The following SEM1 variants were observed in gnomAD, a reference collection of about 807,000 sequenced individuals.
SEM1 encodes the protein 26S proteasome complex subunit SEM1.
SEM1 carries 3 observed loss-of-function variants against 12.7 expected under a neutral mutation model. The observed-to-expected ratio is 0.24, with a 90% CI of 0.11 to 0.61. The LOEUF is 0.61. SEM1 is among the 20% of genes least tolerant of loss of function. The pLI is 0.88. For missense variants in SEM1, 59 were observed against 81.3 expected (o/e 0.73, Z 1.06); for synonymous variants, 30 against 27.8 (o/e 1.08, Z -0.25).
At chr7:96,592,354 G>T (rs1440056957) in intron 2 of SEM1, among the ~76,000 whole-genome samples, 1 of 152,008 alleles carries the variant, frequency 6.6e-6, no homozygotes, top group Non-Finnish European at 1.5e-5. Flanking sequence ...CCCCAACTGA[G>T]ACCAAGACTG....
intron 1 of SEM1, among the ~76,000 whole-genome samples, chr7:96,698,096 G>C (rs1790154375): frequency 6.6e-6 from 1 of 152,124 alleles, no homozygotes; most frequent in Admixed American, 6.5e-5. Flanking sequence ...AGTTGTGGCA[G>C]AGTCTGAAAC....
Position 96,615,241 on chromosome 7 carries a change from C to CTTTTTTTTTTTT in SEM1, c.170+79545_170+79556dup, listed in dbSNP as rs60940244. 9.4e-4 allele frequency among the ~76,000 whole-genome samples: 119 copies of CTTTTTTTTTTTT among 126,416 alleles called. 5 individuals are homozygous for CTTTTTTTTTTTT. Among genetic ancestry groups the CTTTTTTTTTTTT allele is most frequent in the African/African-American group, 3.7e-3 (116 of 31,510 alleles). 82.9% of individuals were successfully genotyped at this position (126,416 alleles called of 152,430 possible). A position where few individuals can be genotyped will look rare whatever the true frequency, so the allele number is the denominator to read the frequency against. On this transcript the variant is annotated intron_variant and NMD_transcript_variant, in intron 2 of 3. Coordinates refer to the SEM1 transcript ENST00000466986. ...ACTGTTGGGTTATTTTTTGAGTCAT[C>CTTTTTTTTTTTT]TTTTTTTTTTTTTTTTTTTTTTTTG...
At chr7:96,647,480 C>T (rs979560183) in intron 2 of SEM1, 7 of 152,110 alleles carry the variant, frequency 4.6e-5, no homozygotes, top group African/African-American at 9.7e-5. Context: ...AGGATGCTAG[C>T]GATCCGGTAT....
chr7:96,627,742 G>A (rs941301049), intron 2 of SEM1, among the ~76,000 whole-genome samples: 5 of 152,094 alleles, frequency 3.3e-5, no homozygotes, highest in Non-Finnish European at 7.4e-5. Context: ...TGTTTATTCT[G>A]CAGCCACTGG....
intron 1 of SEM1, 113 bp from the exon 2 acceptor site, chr7:96,695,004 A>G (rs751229332): frequency 4.5e-5 from 30 of 666,324 alleles, no homozygotes; most frequent in African/African-American, 1.1e-4. Context: ...AGCTAAAACC[A>G]TATCTATGAA....
At chr7:96,665,611 C>G (rs771067396) in intron 2 of SEM1, among the ~76,000 whole-genome samples, 12 of 152,180 alleles carry the variant, frequency 7.9e-5, no homozygotes, top group Non-Finnish European at 1.2e-4. Context: ...AAGAAAATTA[C>G]CTTTCACCTA....
intron 2 of SEM1, among the ~76,000 whole-genome samples, chr7:96,608,301 T>C (rs982385282): frequency 4.6e-5 from 7 of 152,296 alleles, no homozygotes; most frequent in Middle Eastern, 3.4e-3. Context: ...ACTCTGAATT[T>C]GAGTGTGTTG....
At chr7:96,687,589 C>T (rs1327567517), downstream of SEM1, among the ~76,000 whole-genome samples, 2 of 150,668 alleles carry the variant, frequency 1.3e-5, no homozygotes, top group Non-Finnish European at 2.9e-5. Flanking sequence ...ACAATGAGAA[C>T]ACATGGACAC....
chr7:96,567,947 C>T (rs1805898048), intron 2 of SEM1, among the ~76,000 whole-genome samples: 1 of 150,402 alleles, frequency 6.6e-6, no homozygotes, highest in Non-Finnish European at 1.5e-5. Flanking sequence ...CACATACACA[C>T]ACACACTCAC....
exon 4 of SEM1, chr7:96,483,869 C>A (rs1802642877): frequency 7.2e-6 from 11 of 1,536,724 alleles, no homozygotes; most frequent in South Asian, 1.2e-5. Flanking sequence ...CTAGCAAGTT[C>A]TTTCTGCTGG....
intron 2 of SEM1, among the ~76,000 whole-genome samples, chr7:96,577,248 G>C (rs1806236697): frequency 6.6e-6 from 1 of 152,146 alleles, no homozygotes; most frequent in East Asian, 1.9e-4. Context: ...TGCTTTGAGA[G>C]CATCCAACAT....
chr7:96,498,648 T>G (rs534000937), upstream of SEM1, among the ~76,000 whole-genome samples: 49 of 152,314 alleles, frequency 3.2e-4, no homozygotes, highest in South Asian at 4.1e-3. Context: ...CCAATAATAA[T>G]AAGAAGAATA....
chr7:96,702,110 C>A (rs537619258), intron 1 of SEM1, among the ~76,000 whole-genome samples: 1 of 152,012 alleles, frequency 6.6e-6, no homozygotes, highest in African/African-American at 2.4e-5. Flanking sequence ...ACCAAATAGA[C>A]AATACATTGA....
At chr7:96,668,031 C>T (rs77010427) in intron 2 of SEM1, among the ~76,000 whole-genome samples, 2 of 152,204 alleles carry the variant, frequency 1.3e-5, no homozygotes, top group Non-Finnish European at 1.5e-5. Flanking sequence ...GAGGTGGAAA[C>T]CCACCCACGA....
intron 2 of SEM1, among the ~76,000 whole-genome samples, chr7:96,643,488 A>G (rs368022844): frequency 2.9e-4 from 44 of 152,206 alleles, no homozygotes; most frequent in African/African-American, 9.4e-4. Context: ...TCCTAATGCT[A>G]TAAAGACACA....
chr7:96,647,425 T>C (rs1458903043), intron 2 of SEM1: 1 of 152,204 alleles, frequency 6.6e-6, no homozygotes, highest in African/African-American at 2.4e-5. Flanking sequence ...CAGCAAATAG[T>C]TACGTATGGT....
chr7:96,570,662 A>G (rs1805993957), intron 2 of SEM1, among the ~76,000 whole-genome samples: 1 of 152,150 alleles, frequency 6.6e-6, no homozygotes. Flanking sequence ...CGATAAACAT[A>G]TGTGTGCATG....
At chr7:96,707,139 T>C in intron 1 of SEM1, among the ~76,000 whole-genome samples, 1 of 152,194 alleles carries the variant, frequency 6.6e-6, no homozygotes, top group East Asian at 1.9e-4. Context: ...GGTCTAGGTT[T>C]GAGGAATGAT....
intron 2 of SEM1, among the ~76,000 whole-genome samples, chr7:96,588,779 A>G (rs1806738969): frequency 6.6e-6 from 1 of 152,156 alleles, no homozygotes; most frequent in Non-Finnish European, 1.5e-5. Context: ...AAGTAATAGT[A>G]AAGAAAGAAA....
Sources: allele counts gnomAD v4.1 joint callset (sites outside exome capture counted in the v4.1 genomes callset), GRCh38; gene constraint gnomAD v4.1.1; transcripts MANE v1.5; gene names NCBI Gene and HGNC (gene_info 2026-07-23, HGNC 2026-07-21).